Variants in BIRC6 observed in about 807,000 individuals in gnomAD.
BIRC6 encodes the protein baculoviral IAP repeat containing 6.
A neutral mutation model predicts 503.3 loss-of-function variants in BIRC6; 98 were observed. The observed-to-expected ratio is 0.19, with a 90% CI of 0.17 to 0.23. BIRC6 has a LOEUF of 0.23. Among genes scored for constraint, BIRC6 ranks in the 10% least tolerant of loss-of-function variants. The pLI is 1.00. For missense variants in BIRC6, 5,360 were observed against 5,806.0 expected (o/e 0.92, Z 2.50); for synonymous variants, 2,240 against 2,078.7 (o/e 1.08, Z -2.11).
chr2:32,381,105 T>C (rs1460600994), intron 3 of BIRC6, among the ~76,000 whole-genome samples: 2 of 152,218 alleles, frequency 1.3e-5, no homozygotes, highest in African/African-American at 4.8e-5. Flanking sequence ...TTCCCTGTTA[T>C]TGAAGGATAT....
chr2:32,377,460 G>C, intron 1 of BIRC6, 128 bp from the exon 2 acceptor site: 1 of 609,176 alleles, frequency 1.6e-6, no homozygotes, highest in Non-Finnish European at 2.5e-6. Flanking sequence ...ATGTTCTTTA[G>C]AGAAGTTTTT....
At chr2:32,421,116 T>C (rs796828578) in intron 10 of BIRC6, among the ~76,000 whole-genome samples, 26 of 148,062 alleles carry the variant, frequency 1.8e-4, no homozygotes, top group South Asian at 8.5e-4. Context: ...TTCTTTCTTT[T>C]TTTTTTTTTT....
chr2:32,469,043 G>A (rs1412231401), intron 29 of BIRC6, among the ~76,000 whole-genome samples: 1 of 152,062 alleles, frequency 6.6e-6, no homozygotes, highest in Non-Finnish European at 1.5e-5. Context: ...ATTAAGTATT[G>A]CATTGAAGTT....
rs1363479085 is a variant in BIRC6, at chr2:32,357,233, C to G, written c.72C>G (p.Ser24Arg). ...CGCTTCCCAGTGTGATTGTGCTGAG[C>G]GCAGGCCGGAAGATGGCGGCTGCGG... ...TEPLPSVIVL[S>R]AGRKMAAAAA... is the part of the protein sequence containing the mutation. Residue 24 changes from serine to arginine, a missense_variant, in exon 1 of 74, where the codon AGC (serine) becomes AGG (arginine). Ser to Arg is a moderately radical substitution (Grantham distance 110). Transcript: ENST00000421745. This position sits in a 1 kb window ranked among gnomAD's most constrained non-coding sequence, Gnocchi z 4.9. 1 of 1,528,224 alleles carries G rather than the reference C, an allele frequency of 6.5e-7. No homozygotes were observed. The highest frequency in any genetic ancestry group is 8.8e-7 in the Non-Finnish European group (1 of 1,141,278). 94.7% of individuals were successfully genotyped at this position (1,528,224 alleles called of 1,614,324 possible).
At chr2:32,371,997 G>T (rs995615584) in intron 1 of BIRC6, among the ~76,000 whole-genome samples, 2 of 151,268 alleles carry the variant, frequency 1.3e-5, no homozygotes, top group Non-Finnish European at 1.5e-5. Flanking sequence ...TAGAGACAGG[G>T]TTTCACCAGG....
intron 65 of BIRC6, among the ~76,000 whole-genome samples, chr2:32,559,948 G>A (rs889161522): frequency 6.6e-6 from 1 of 151,832 alleles, no homozygotes; most frequent in African/African-American, 2.4e-5. Flanking sequence ...CCCGGGAGGC[G>A]GAGGTTGCAG....
rs575842484 is a variant in BIRC6, at chr2:32,600,345, T to A, written c.13992+445T>A. Among the ~76,000 whole-genome samples, 14 of 152,370 alleles carry A rather than the reference T, an allele frequency of 9.2e-5. No individual in the cohort carries two copies. In the South Asian group the frequency reaches 2.9e-3, roughly 32 times the overall value. Reference sequence around the variant, plus strand: ...ATCTGTTTTTCAGAGGTATTTTGGATACTTTGATAGAATTTCAATGGTAAA... The same window carrying A: ...ATCTGTTTTTCAGAGGTATTTTGGAAACTTTGATAGAATTTCAATGGTAAA... On this transcript the variant is annotated intron_variant, in intron 70 of 73. Coordinates refer to ENST00000421745, the MANE Select transcript of BIRC6 (RefSeq NM_016252.4).
intron 65 of BIRC6, among the ~76,000 whole-genome samples, chr2:32,566,608 C>G (rs912251381): frequency 6.6e-6 from 1 of 152,172 alleles, no homozygotes; most frequent in South Asian, 2.1e-4. Context: ...TCTGCCCCAG[C>G]CTTCCAAATC....
At chr2:32,457,194 A>G (rs1028558893) in intron 23 of BIRC6, among the ~76,000 whole-genome samples, 3 of 152,004 alleles carry the variant, frequency 2.0e-5, no homozygotes, top group African/African-American at 7.3e-5. Context: ...TCAACTTTTC[A>G]GTGTTTCCTT....
chr2:32,436,805 C>T (rs769614935), intron 15 of BIRC6, among the ~76,000 whole-genome samples: 10 of 151,624 alleles, frequency 6.6e-5, no homozygotes, highest in Non-Finnish European at 1.5e-4. Flanking sequence ...CTCAAATCAT[C>T]TGCCCACCTT....
At chr2:32,401,098 G>C (rs2040557180) in intron 6 of BIRC6, 65 bp from the exon 7 acceptor site, 2 of 1,392,716 alleles carry the variant, frequency 1.4e-6, no homozygotes, top group African/African-American at 2.9e-5. Context: ...CTGGAGTTCT[G>C]TTTTAATGTA....
rs573927873 is a variant in BIRC6, at chr2:32,407,064, G to C, written c.1477+507G>C. Among the ~76,000 whole-genome samples the C allele has an allele frequency of 3.3e-4, 50 of 152,268 alleles. 1 individual carries two copies. The highest frequency in any genetic ancestry group is 3.4e-3 in the Middle Eastern group (1 of 294). On this transcript the variant is annotated intron_variant, in intron 9 of 73. Transcript: ENST00000421745. ...GTTTCAAAATAGTTTTACTATGTCAGAATTTAAATCCTAACTCTTCTACTT... is the reference window on the plus strand; with the variant it reads ...GTTTCAAAATAGTTTTACTATGTCACAATTTAAATCCTAACTCTTCTACTT...
At chr2:32,378,817 G>A (rs1306981751) in intron 2 of BIRC6, 1 of 152,088 alleles carries the variant, frequency 6.6e-6, no homozygotes, top group Non-Finnish European at 1.5e-5. Flanking sequence ...TTAAGTTTTA[G>A]CCATATATAC....
intron 16 of BIRC6, among the ~76,000 whole-genome samples, chr2:32,440,751 T>TTTTATTATTATTATTATTATTATTA (rs773312894): frequency 6.1e-5 from 9 of 147,150 alleles, no homozygotes; most frequent in Non-Finnish European, 1.2e-4. Context: ...TGTTTATTTA[T>TTTTATTATTATTATTATTATTATTA]TTATTATTAT....
intron 3 of BIRC6, among the ~76,000 whole-genome samples, chr2:32,387,020 C>A (rs1048324999): frequency 6.6e-6 from 1 of 152,134 alleles, no homozygotes; most frequent in African/African-American, 2.4e-5. Flanking sequence ...CTTTATTAAT[C>A]GCTTGACCAT....
At chr2:32,358,010 G>A (rs2149031112) in intron 1 of BIRC6, among the ~76,000 whole-genome samples, 1 of 134,234 alleles carries the variant, frequency 7.4e-6, no homozygotes, top group East Asian at 2.7e-4. Context: ...ACAGACCGCG[G>A]GCTGTGCGCC....
intron 23 of BIRC6, among the ~76,000 whole-genome samples, chr2:32,459,584 T>A (rs543438731): frequency 2.0e-5 from 3 of 152,280 alleles, no homozygotes; most frequent in African/African-American, 7.2e-5. Flanking sequence ...TACTTGTTTT[T>A]AAAATTTAGG....
At chr2:32,582,623 C>T (rs573517262) in intron 66 of BIRC6, among the ~76,000 whole-genome samples, 1 of 152,128 alleles carries the variant, frequency 6.6e-6, no homozygotes, top group South Asian at 2.1e-4. Context: ...CAATTAGCTG[C>T]GTGTGGTGGC....
Position 32,433,787 on chromosome 2 carries a change from G to T in BIRC6, c.3392G>T (p.Gly1131Val). The T allele has an allele frequency of 6.4e-7, 1 of 1,565,690 alleles. No homozygotes were observed. Among genetic ancestry groups the T allele is most frequent in the Non-Finnish European group, 8.7e-7 (1 of 1,144,530 alleles). Residue 1131 changes from glycine (G) to valine (V), a missense_variant, in exon 13 of 74, where the codon GGA (glycine) becomes GTA (valine). By Grantham distance (109) the Gly-to-Val change is moderately radical (BLOSUM62 -3). Coordinates refer to ENST00000421745, the MANE Select transcript of BIRC6 (RefSeq NM_016252.4). ...ACACTGCTGAAAAATAAAGCTCCAG[G>T]ATTAGGGAAAGTCAATGGTAAGAAT... ...QVTLLKNKAP[G>V]LGKVNALNIE...
Sources: gnomAD v4.1 joint callset for allele counts (sites outside exome capture counted in the v4.1 genomes callset) on GRCh38, gnomAD v4.1.1 for gene constraint, Gnocchi (gnomAD v3.1) non-coding constraint, MANE v1.5 for transcripts, NCBI Gene and HGNC (gene_info 2026-07-23, HGNC 2026-07-21) for gene names.